The following NAP1L4 variants were observed in gnomAD, a reference collection of about 807,000 sequenced individuals.
NAP1L4 encodes nucleosome assembly protein 1 like 4.
Under a neutral mutation model 58.2 loss-of-function variants are expected in NAP1L4, and 15 were observed. The observed-to-expected ratio is 0.26, with a 90% confidence interval of 0.17 to 0.40. The LOEUF is 0.40. Among genes scored for constraint, NAP1L4 ranks in the 10% least tolerant of loss-of-function variants. The pLI is 1.00. For missense variants in NAP1L4, 384 were observed against 451.1 expected, an observed-to-expected ratio of 0.85 and a Z score of 1.35; for synonymous variants, 171 against 155.6, an observed-to-expected ratio of 1.10 and a Z score of -0.74.
intron 1 of NAP1L4, among the ~76,000 whole-genome samples, chr11:2,979,571 G>A (rs986113918): frequency 9.9e-5 from 15 of 152,190 alleles, no homozygotes; most frequent in Non-Finnish European, 2.1e-4. Context: ...TCAGGAGTTC[G>A]AGACCGGCCT....
intron 3 of NAP1L4, among the ~76,000 whole-genome samples, chr11:2,977,136 C>T (rs1359892987): frequency 6.6e-6 from 1 of 152,204 alleles, no homozygotes; most frequent in African/African-American, 2.4e-5. Flanking sequence ...ACTGTGTACA[C>T]ATGTGTAGTA....
chr11:2,951,489 G>A lies in NAP1L4; in HGVS notation c.1066-174C>T, dbSNP rs1024495371. Among the ~76,000 whole-genome samples the A allele has an allele frequency of 1.3e-5, 2 of 152,074 alleles. No individual in the cohort carries two copies. Among genetic ancestry groups the A allele is most frequent in the Admixed American group, 1.3e-4 (2 of 15,274 alleles). ...TAGAATTATTTCTAGGTATCTTTTT[G>A]TTCTCACAGAGAGCCCTGAAAGAAA... On this transcript the variant is annotated intron_variant, in intron 13 of 15. Coordinates refer to ENST00000380542, the MANE Select transcript of NAP1L4 (RefSeq NM_005969.4). This position sits in a 1 kb window ranked among gnomAD's most constrained non-coding sequence, Gnocchi z 4.0.
In NAP1L4 at chr11:2,980,477, C is replaced by A. The variant is rs7107830; in HGVS notation, c.-17-1240G>T. On this transcript the variant is annotated intron_variant, in intron 1 of 15. Transcript: ENST00000380542. ...TTGGGATTACAGGTGTGAGTCAACACGCCTGGCCTATACAATTTCAAAATC... is the reference window on the plus strand; with the variant it reads ...TTGGGATTACAGGTGTGAGTCAACAAGCCTGGCCTATACAATTTCAAAATC... Among the ~76,000 whole-genome samples the A allele has an allele frequency of 7.9e-5, 12 of 152,186 alleles. No homozygotes were observed. The East Asian group carries it at 2.1e-3, about 27-fold the overall frequency.
chr11:2,955,688 C>T lies in NAP1L4; in HGVS notation c.915+56G>A, dbSNP rs1846496669. The T allele has an allele frequency of 6.4e-7, 1 of 1,551,666 alleles. No individual in the cohort carries two copies. Among genetic ancestry groups the T allele is most frequent in the Non-Finnish European group, 8.9e-7 (1 of 1,128,522 alleles). On this transcript the variant is annotated intron_variant, in intron 11 of 15. Transcript: ENST00000380542. This position sits in a 1 kb window ranked among gnomAD's most constrained non-coding sequence, Gnocchi z 4.2. ...TTTTTTTAACAAGTAGACAAGTAGACATTCACTCAGGAGAGACTTCAACAG... is the reference window on the plus strand; with the variant it reads ...TTTTTTTAACAAGTAGACAAGTAGATATTCACTCAGGAGAGACTTCAACAG...
chr11:2,964,535 T>C (rs1847143434), intron 8 of NAP1L4, 145 bp downstream of exon 8: 1 of 643,482 alleles, frequency 1.6e-6, no homozygotes, highest in Non-Finnish European at 2.7e-6. Context: ...AGTCTAACTC[T>C]TGGAGAGCAG....
chr11:2,970,064 C>T (rs1847547319), intron 6 of NAP1L4, 130 bp from the exon 7 acceptor site: 1 of 905,758 alleles, frequency 1.1e-6, no homozygotes, highest in South Asian at 1.9e-5. Flanking sequence ...GTCTGCACCT[C>T]CAAACCACTC....
At chr11:2,972,526 A>G (rs1018655412) in intron 4 of NAP1L4, among the ~76,000 whole-genome samples, 1 of 152,240 alleles carries the variant, frequency 6.6e-6, no homozygotes, top group Non-Finnish European at 1.5e-5. Flanking sequence ...AAGAACACTC[A>G]GCTTTTCCTT....
intron 9 of NAP1L4, 187 bp from the exon 10 acceptor site, chr11:2,958,731 C>T: frequency 9.0e-5 from 54 of 598,434 alleles, no homozygotes. Flanking sequence ...GCCTGGTCCT[C>T]TTTCAACTTG....
intron 7 of NAP1L4, among the ~76,000 whole-genome samples, chr11:2,969,438 C>G (rs1437493653): frequency 1.3e-5 from 2 of 152,138 alleles, no homozygotes; most frequent in African/African-American, 4.8e-5. Context: ...CTGCCCTCAC[C>G]CTTTCCTGCA....
intron 7 of NAP1L4, among the ~76,000 whole-genome samples, chr11:2,968,635 C>T (rs544042066): frequency 2.0e-5 from 3 of 152,220 alleles, no homozygotes; most frequent in South Asian, 4.1e-4. Flanking sequence ...CATTAAAAAC[C>T]GTAGCTGTAA....
chr11:2,951,012 G>A lies in NAP1L4; in HGVS notation c.1122+247C>T, dbSNP rs1025283358. On this transcript the variant is annotated intron_variant, in intron 14 of 15. Transcript: ENST00000380542. This position sits in a 1 kb window ranked among gnomAD's most constrained non-coding sequence, Gnocchi z 4.0. ...TTGGAAAGTCAAGTTGCTCTACTGAGGAGTCTATGTAAATAAGACACAGCT... is the reference window on the plus strand; with the variant it reads ...TTGGAAAGTCAAGTTGCTCTACTGAAGAGTCTATGTAAATAAGACACAGCT... 7 of 434,086 alleles carry A rather than the reference G, an allele frequency of 1.6e-5. No individual in the cohort carries two copies. In the Admixed American group the frequency reaches 2.8e-4, roughly 18 times the overall value. The allele number at this position is 434,086 out of a possible 1,614,324, so 26.9% of individuals were successfully genotyped here. A position where few individuals can be genotyped will look rare whatever the true frequency, so the allele number is the denominator to read the frequency against.
At chr11:2,989,108 G>A (rs1848809510) in intron 1 of NAP1L4, 1 of 152,030 alleles carries the variant, frequency 6.6e-6, no homozygotes, top group South Asian at 2.1e-4. Context: ...CTATAGTTTC[G>A]GGAGGCATAA....
chr11:2,974,969 A>G (rs12362018), intron 4 of NAP1L4, among the ~76,000 whole-genome samples: 9 of 151,892 alleles, frequency 5.9e-5, no homozygotes, highest in Admixed American at 6.6e-5. Flanking sequence ...CGGAAGTTGC[A>G]CTCCAGCCTG....
chr11:2,956,428 C>T (rs999425195), intron 10 of NAP1L4, among the ~76,000 whole-genome samples: 17 of 152,178 alleles, frequency 1.1e-4, no homozygotes, highest in Admixed American at 2.0e-4. Flanking sequence ...GAAACATTTA[C>T]TACAAGACCC....
chr11:2,974,540 A>C (rs556419315), intron 4 of NAP1L4, among the ~76,000 whole-genome samples: 17 of 152,282 alleles, frequency 1.1e-4, no homozygotes, highest in Admixed American at 9.2e-4. Flanking sequence ...AAATAACATC[A>C]AAACACCTTG....
At chr11:2,989,113 G>T (rs920846734) in intron 1 of NAP1L4, 3 of 152,106 alleles carry the variant, frequency 2.0e-5, no homozygotes, top group African/African-American at 4.8e-5. Flanking sequence ...GTTTCGGGAG[G>T]CATAAATTTG....
chr11:2,959,793 A>G lies in NAP1L4; in HGVS notation c.723T>C (p.Gly241=). 1 of 1,614,086 alleles carries G rather than the reference A, an allele frequency of 6.2e-7. No homozygotes were observed. ...PDKADPFSFE[G]PEIVDCDGCT... Reference sequence around the variant, plus strand: ...ACCCGTCACAGTCCACAATCTCAGGACCTTCAAAGGAAAAGGGATCAGCCT... The same window carrying G: ...ACCCGTCACAGTCCACAATCTCAGGGCCTTCAAAGGAAAAGGGATCAGCCT... Residue 241 remains glycine, a synonymous_variant, in exon 9 of 16, where the codon GGT becomes GGC. Coordinates refer to ENST00000380542, the MANE Select transcript of NAP1L4 (RefSeq NM_005969.4). The surrounding 1 kb of genome is among the most constrained non-coding windows in gnomAD (Gnocchi z 4.9).
chr11:2,972,000 C>T lies in NAP1L4; in HGVS notation c.315+102G>A, dbSNP rs995919389. 1.3e-5 allele frequency: 16 copies of T among 1,225,400 alleles called. No homozygotes were observed. In the Admixed American group the frequency reaches 1.4e-4, roughly 11 times the overall value. 75.9% of individuals were successfully genotyped at this position (1,225,400 alleles called of 1,614,324 possible). On this transcript the variant is annotated intron_variant, in intron 5 of 15. Transcript: ENST00000380542. The surrounding 1 kb of genome is among the most constrained non-coding windows in gnomAD (Gnocchi z 4.2). ...TAAGCTATGTTTGGCAGGTTAGATG[C>T]GTTCTTACCCTAGATGTTGTCAACT...
At position 2,954,474 on chromosome 11, in the gene NAP1L4, C is replaced by A. The variant is rs1048873317; in HGVS notation, c.1035+53G>T. 2.5e-6 allele frequency: 4 copies of A among 1,611,814 alleles called. No individual in the cohort carries two copies. The African/African-American group carries it at 4.0e-5, about 16-fold the overall frequency. ...TAAGCCACAATTCAGGGCCACTCTG[C>A]ACCAACAGAGATAAGCACCCAGGTG... On this transcript the variant is annotated intron_variant, in intron 12 of 15. Coordinates refer to ENST00000380542, the MANE Select transcript of NAP1L4 (RefSeq NM_005969.4). The surrounding 1 kb of genome is among the most constrained non-coding windows in gnomAD (Gnocchi z 4.8).
Sources: allele counts gnomAD v4.1 joint callset (sites outside exome capture counted in the v4.1 genomes callset), GRCh38; gene constraint gnomAD v4.1.1; non-coding constraint Gnocchi (gnomAD v3.1); transcripts MANE v1.5; gene names NCBI Gene and HGNC (gene_info 2026-07-23, HGNC 2026-07-21).